Variants in EDIL3 observed in about 807,000 individuals in gnomAD.
The protein encoded by EDIL3 is EGF like and discoidin domains 3.
In EDIL3, 37 loss-of-function variants were observed where a neutral mutation model predicts 67.4. The observed-to-expected ratio is 0.55, with a 90% CI of 0.42 to 0.72. The LOEUF (loss-of-function observed/expected upper bound fraction) is 0.72, where lower values mean the gene tolerates loss of function less well. Ranked by LOEUF, EDIL3 falls within the 30% of genes least tolerant of loss-of-function variation. The probability of loss-of-function intolerance (pLI) is 0.00; values close to 1 mark genes in which losing one functional copy is unlikely to be tolerated. For missense variants in EDIL3, 527 were observed against 586.3 expected (o/e 0.90, Z 1.04); for synonymous variants, 195 against 196.3 (o/e 0.99, Z 0.05).
chr5:84,364,951 A>T (rs1265242284), intron 1 of EDIL3, among the ~76,000 whole-genome samples: 8 of 152,032 alleles, frequency 5.3e-5, no homozygotes, highest in Non-Finnish European at 1.0e-4. Flanking sequence ...TCCTTAAAAC[A>T]TGTTTGTATA....
At chr5:84,321,599 G>T (rs919433679) in intron 1 of EDIL3, among the ~76,000 whole-genome samples, 1 of 152,028 alleles carries the variant, frequency 6.6e-6, no homozygotes, top group African/African-American at 2.4e-5. Context: ...TCCTTCTGAC[G>T]GAAAAATGTG....
At chr5:84,225,359 A>G (rs1364250010) in intron 3 of EDIL3, among the ~76,000 whole-genome samples, 1 of 151,724 alleles carries the variant, frequency 6.6e-6, no homozygotes, top group Non-Finnish European at 1.5e-5. Context: ...GTGGGTACGT[A>G]TGAAGAAATA....
At chr5:84,360,970 T>C (rs961628668) in intron 1 of EDIL3, among the ~76,000 whole-genome samples, 5 of 152,090 alleles carry the variant, frequency 3.3e-5, no homozygotes, top group Admixed American at 6.6e-5. Flanking sequence ...TAAAATGTTC[T>C]AGACACCATA....
chr5:84,315,012 T>G (rs1746482750), intron 1 of EDIL3, among the ~76,000 whole-genome samples: 1 of 152,172 alleles, frequency 6.6e-6, no homozygotes, highest in Non-Finnish European at 1.5e-5. Flanking sequence ...GCTTTTCTTT[T>G]GCAATTTTTT....
chr5:84,352,387 G>T (rs759973276), intron 1 of EDIL3, among the ~76,000 whole-genome samples: 1 of 152,118 alleles, frequency 6.6e-6, no homozygotes, highest in Non-Finnish European at 1.5e-5. Context: ...ATCAACCTGA[G>T]TGTCTGCCAG....
At chr5:84,246,817 A>G (rs1744918193) in intron 2 of EDIL3, among the ~76,000 whole-genome samples, 1 of 152,194 alleles carries the variant, frequency 6.6e-6, no homozygotes, top group Non-Finnish European at 1.5e-5. Context: ...CATTGTCATT[A>G]TTAATAAAGC....
At chr5:84,288,592 T>A (rs1403693825) in intron 1 of EDIL3, among the ~76,000 whole-genome samples, 2 of 152,114 alleles carry the variant, frequency 1.3e-5, no homozygotes, top group East Asian at 3.9e-4. Flanking sequence ...GGGCTTCACA[T>A]CGTCCTGTCA....
chr5:84,006,675 C>A (rs1580275959), intron 9 of EDIL3, among the ~76,000 whole-genome samples: 1 of 152,116 alleles, frequency 6.6e-6, no homozygotes. Flanking sequence ...CCCTGTGACA[C>A]ACAATTTATC....
chr5:84,178,167 C>T (rs567895002), intron 4 of EDIL3, among the ~76,000 whole-genome samples: 4 of 152,080 alleles, frequency 2.6e-5, no homozygotes, highest in Admixed American at 6.5e-5. Flanking sequence ...TCACTTTTGG[C>T]TATTCAAAGC....
At chr5:84,346,226 C>T (rs934012646) in intron 1 of EDIL3, among the ~76,000 whole-genome samples, 2 of 149,592 alleles carry the variant, frequency 1.3e-5, no homozygotes, top group Non-Finnish European at 3.0e-5. Flanking sequence ...TCACTGCAAC[C>T]TCCGCCTCCC....
intron 1 of EDIL3, among the ~76,000 whole-genome samples, chr5:84,278,357 T>C (rs548536352): frequency 6.6e-6 from 1 of 152,218 alleles, no homozygotes; most frequent in Admixed American, 6.5e-5. Flanking sequence ...GAATTTTTTT[T>C]TGTTTTTCCA....
chr5:84,119,589 T>C, intron 5 of EDIL3, among the ~76,000 whole-genome samples: 1 of 152,230 alleles, frequency 6.6e-6, no homozygotes, highest in East Asian at 1.9e-4. Context: ...TCTGGGTCTG[T>C]CAAGCACTTT....
Position 84,060,349 on chromosome 5 carries a change from T to C in EDIL3, c.1088A>G (p.Lys363Arg). 1.2e-6 allele frequency: 2 copies of C among 1,613,872 alleles called. No homozygotes were observed. Among genetic ancestry groups the C allele is most frequent in the Non-Finnish European group, 1.7e-6 (2 of 1,179,838 alleles). Reference protein sequence around the residue: ...PRKARLDKQGKVNAWTSGHND... With the variant: ...PRKARLDKQGRVNAWTSGHND... ...GTGGCCAGAGGTCCAGGCATTCACT[T>C]TGCCTTGCTTGTCCAGCCGAGCTTT... The change falls in exon 9 of 11, where the codon AAA becomes AGA. Residue 363 changes from lysine to arginine, a missense_variant. Physicochemically the swap from Lys to Arg is conservative, Grantham distance 26. Transcript: ENST00000296591.
chr5:84,060,570 AT>A (rs761482680), intron 8 of EDIL3, 86 bp from the exon 9 acceptor site: 20 of 1,372,798 alleles, frequency 1.5e-5, no homozygotes, highest in Non-Finnish European at 2.0e-5. Flanking sequence ...GCAAGAGAAG[AT>A]TAAACATAAT....
intron 9 of EDIL3, among the ~76,000 whole-genome samples, chr5:84,012,831 C>CT (rs1561402820): frequency 6.6e-6 from 1 of 151,880 alleles, no homozygotes; most frequent in Non-Finnish European, 1.5e-5. Context: ...ATGATTTAGT[C>CT]TTTTTTTCCT....
intron 1 of EDIL3, among the ~76,000 whole-genome samples, chr5:84,346,207 G>T (rs1747237657): frequency 7.0e-6 from 1 of 143,546 alleles, no homozygotes; most frequent in African/African-American, 2.6e-5. Flanking sequence ...GCAGTGTTGC[G>T]ATCTTGGCTC....
intron 6 of EDIL3, among the ~76,000 whole-genome samples, chr5:84,079,844 T>C (rs1159859561): frequency 6.6e-6 from 1 of 152,074 alleles, no homozygotes; most frequent in African/African-American, 2.4e-5. Flanking sequence ...TTACAGGGAT[T>C]TGCAACTCCC....
chr5:84,075,691 T>C (rs1746840269), intron 6 of EDIL3, among the ~76,000 whole-genome samples: 1 of 152,102 alleles, frequency 6.6e-6, no homozygotes, highest in South Asian at 2.1e-4. Flanking sequence ...GTCAGGCTTA[T>C]CTCAAACTCT....
intron 9 of EDIL3, among the ~76,000 whole-genome samples, chr5:84,018,815 C>T (rs1024825293): frequency 6.6e-6 from 1 of 152,124 alleles, no homozygotes; most frequent in African/African-American, 2.4e-5. Context: ...CACTGGCCAT[C>T]AGAGAAATGC....
Sources: gnomAD v4.1 joint callset for allele counts (sites outside exome capture counted in the v4.1 genomes callset) on GRCh38, gnomAD v4.1.1 for gene constraint, MANE v1.5 for transcripts, NCBI Gene and HGNC (gene_info 2026-07-23, HGNC 2026-07-21) for gene names.